SHANK2: variants seen among roughly 807,000 people sequenced by gnomAD.
SHANK2 encodes SH3 and multiple ankyrin repeat domains protein 2.
A neutral mutation model predicts 133.7 loss-of-function variants in SHANK2; 43 were observed. The observed-to-expected ratio is 0.32, with a 90% confidence interval of 0.25 to 0.41. The LOEUF (loss-of-function observed/expected upper bound fraction) is 0.41. SHANK2 is among the 10% of genes least tolerant of loss of function. The pLI, the probability that SHANK2 is intolerant of heterozygous loss-of-function variation, is 1.00. For synonymous variants in SHANK2, 1,017 were observed against 952.8 expected (o/e 1.07, Z -1.24); for missense variants, 1,994 against 2,235.8 (o/e 0.89, Z 2.18).
chr11:70,487,980 G>A lies in SHANK2; in HGVS notation c.2573-260C>T, dbSNP rs1555154826. The stretch of plus-strand genomic sequence containing the variant: ...GCTGTGGGGCCTCCAGGCACAGGCT[G>A]CAGCAGGGGAGCTGTGTGAGGCCAG... On this transcript the variant is annotated intron_variant, in intron 24 of 25. Transcript: ENST00000601538. This position sits in a 1 kb window ranked among gnomAD's most constrained non-coding sequence, Gnocchi z 5.8. Among the ~76,000 whole-genome samples, 1 of 152,252 alleles carries A rather than the reference G, an allele frequency of 6.6e-6. No homozygotes were observed.
intron 1 of SHANK2, among the ~76,000 whole-genome samples, chr11:71,237,563 C>A (rs1004872): frequency 0.097 from 14,827 of 152,216 alleles, 1,973 homozygotes; most frequent in African/African-American, 0.3. Context: ...GTCGTTATCT[C>A]CAACCTAAAG....
At chr11:70,528,597 T>C (rs1279199850) in intron 17 of SHANK2, among the ~76,000 whole-genome samples, 1 of 151,952 alleles carries the variant, frequency 6.6e-6, no homozygotes, top group Non-Finnish European at 1.5e-5. Context: ...TCCTGCATCC[T>C]GATGAAGGCC....
At chr11:70,720,137 C>T (rs1946043903) in intron 14 of SHANK2, among the ~76,000 whole-genome samples, 1 of 152,182 alleles carries the variant, frequency 6.6e-6, no homozygotes, top group Non-Finnish European at 1.5e-5. Flanking sequence ...GCAGGGTCCA[C>T]GTTGCCCCTG....
At position 70,520,124 on chromosome 11, in the gene SHANK2, G is replaced by A. The variant is rs569615671; in HGVS notation, c.2062-17193C>T. Among the ~76,000 whole-genome samples, 6 of 152,146 alleles carry A rather than the reference G, an allele frequency of 3.9e-5. No homozygotes were observed. In the East Asian group the frequency reaches 1.2e-3, roughly 29 times the overall value. ...AAAAAACATTGTGAACTCAGTATCTGGAGTTCCCATACACTCCACACTGTT... is the reference window on the plus strand; with the variant it reads ...AAAAAACATTGTGAACTCAGTATCTAGAGTTCCCATACACTCCACACTGTT... On this transcript the variant is annotated intron_variant, in intron 17 of 25. Transcript: ENST00000601538.
At chr11:70,626,475 C>T (rs894993803) in intron 17 of SHANK2, among the ~76,000 whole-genome samples, 29 of 152,098 alleles carry the variant, frequency 1.9e-4, no homozygotes, top group Non-Finnish European at 4.0e-4. Context: ...TGGTCAAGTT[C>T]GACAACCCCC....
Position 70,485,300 on chromosome 11 carries a change from A to C in SHANK2, c.4979+14T>G. ...ACGCAGAGCGGTGTGCATGTGCACCAACCGCGGACTTACCTTGGAGCGAGG... is the reference window on the plus strand; with the variant it reads ...ACGCAGAGCGGTGTGCATGTGCACCCACCGCGGACTTACCTTGGAGCGAGG... On this transcript the variant is annotated intron_variant, in intron 25 of 25. Coordinates refer to ENST00000601538, the MANE Select transcript of SHANK2 (RefSeq NM_012309.5). The surrounding 1 kb of genome is among the most constrained non-coding windows in gnomAD (Gnocchi z 5.8). The C allele has an allele frequency of 1.9e-6, 3 of 1,609,776 alleles. No homozygotes were observed. Among genetic ancestry groups the C allele is most frequent in the Non-Finnish European group, 1.7e-6 (2 of 1,176,814 alleles).
chr11:70,886,061 G>T (rs1949738413), intron 11 of SHANK2, among the ~76,000 whole-genome samples: 1 of 152,188 alleles, frequency 6.6e-6, no homozygotes, highest in Non-Finnish European at 1.5e-5. Context: ...ATGTCCGGAT[G>T]AAACCAGCAG....
At chr11:71,109,589 C>T (rs1338725707) in intron 6 of SHANK2, among the ~76,000 whole-genome samples, 1 of 152,226 alleles carries the variant, frequency 6.6e-6, no homozygotes, top group African/African-American at 2.4e-5. Context: ...CAGAAACACA[C>T]ATCCTCCACC....
At chr11:71,135,825 G>C (rs868982503) in intron 3 of SHANK2, among the ~76,000 whole-genome samples, 1 of 152,040 alleles carries the variant, frequency 6.6e-6, no homozygotes, top group East Asian at 1.9e-4. Context: ...CGGTGGCCAC[G>C]GTGTTCACAT....
At chr11:70,816,454 C>T (rs919087405) in intron 12 of SHANK2, among the ~76,000 whole-genome samples, 30 of 152,342 alleles carry the variant, frequency 2.0e-4, no homozygotes, top group African/African-American at 7.2e-4. Context: ...GGAGAGCACG[C>T]TGTCACTTAT....
At chr11:70,507,720 T>C (rs1210060526) in intron 17 of SHANK2, among the ~76,000 whole-genome samples, 1 of 152,198 alleles carries the variant, frequency 6.6e-6, no homozygotes, top group Non-Finnish European at 1.5e-5. Flanking sequence ...AACTTGGGCT[T>C]GCAAAAGCCA....
chr11:70,902,950 T>A (rs1187580273), intron 10 of SHANK2, among the ~76,000 whole-genome samples: 1 of 152,040 alleles, frequency 6.6e-6, no homozygotes, highest in African/African-American at 2.4e-5. Context: ...AGGCAGTGCA[T>A]CTCTCCAGGA....
At chr11:70,752,045 A>C (rs1278770768) in intron 14 of SHANK2, among the ~76,000 whole-genome samples, 2 of 152,218 alleles carry the variant, frequency 1.3e-5, no homozygotes, top group African/African-American at 4.8e-5. Flanking sequence ...TTAAATTTAA[A>C]TGCTCTAAAC....
At chr11:70,509,313 A>C (rs2059171199) in intron 17 of SHANK2, among the ~76,000 whole-genome samples, 1 of 152,224 alleles carries the variant, frequency 6.6e-6, no homozygotes, top group Non-Finnish European at 1.5e-5. Flanking sequence ...AGCGCTGCCC[A>C]ATGTGAGCAG....
At chr11:70,929,664 T>C (rs1412978812) in intron 10 of SHANK2, among the ~76,000 whole-genome samples, 1 of 152,164 alleles carries the variant, frequency 6.6e-6, no homozygotes, top group East Asian at 1.9e-4. Context: ...TAAGGACCCT[T>C]GTGATAACAT....
rs1326998824 is a variant in SHANK2, at chr11:71,188,352, G to A, written c.-13+36345C>T. Among the ~76,000 whole-genome samples the A allele has an allele frequency of 6.6e-6, 1 of 152,068 alleles. No homozygotes were observed. Among genetic ancestry groups the A allele is most frequent in the Non-Finnish European group, 1.5e-5 (1 of 68,020 alleles). On this transcript the variant is annotated intron_variant, in intron 2 of 25. Coordinates refer to ENST00000601538, the MANE Select transcript of SHANK2 (RefSeq NM_012309.5). This position sits in a 1 kb window ranked among gnomAD's most constrained non-coding sequence, Gnocchi z 4.6. ...AGAAGGTCAGCCCCAAACGCCCTCA[G>A]CAGCCCATGCCCAGGCCTCAGTACA... is the stretch of plus-strand genomic sequence containing the variant.
chr11:70,581,179 G>A (rs7925770), intron 17 of SHANK2, among the ~76,000 whole-genome samples: 32,149 of 152,174 alleles, frequency 0.21, 3,816 homozygotes, highest in Admixed American at 0.33. Flanking sequence ...TAAGTCTAGC[G>A]TTTGAAGGGC....
At chr11:71,235,391 TG>T (rs1197355110) in intron 1 of SHANK2, among the ~76,000 whole-genome samples, 1 of 151,894 alleles carries the variant, frequency 6.6e-6, no homozygotes, top group East Asian at 1.9e-4. Flanking sequence ...GTCAGGAATT[TG>T]AGACCAGCCT....
rs1454109784 is a variant in SHANK2, at chr11:71,085,984, T to C, written c.912+6438A>G. 1.8e-3 allele frequency among the ~76,000 whole-genome samples: 146 copies of C among 79,588 alleles called. 1 individual carries two copies. The highest frequency in any genetic ancestry group is 7.9e-3 in the African/African-American group (129 of 16,380). The allele number at this position is 79,588 out of a possible 152,430, so 52.2% of individuals were successfully genotyped here. ...GTTATATATTATATATATTATGTTA[T>C]ATATTATATTATGTTATATATTATT... is the stretch of plus-strand genomic sequence containing the variant. On this transcript the variant is annotated intron_variant, in intron 8 of 25. Transcript: ENST00000601538.
Sources: allele counts gnomAD v4.1 joint callset (sites outside exome capture counted in the v4.1 genomes callset), GRCh38; gene constraint gnomAD v4.1.1; non-coding constraint Gnocchi (gnomAD v3.1); transcripts MANE v1.5; gene names NCBI Gene and HGNC (gene_info 2026-07-23, HGNC 2026-07-21).